Variants in CNKSR2 observed in about 807,000 individuals in gnomAD.
The protein encoded by CNKSR2 is CNK homolog protein 2.
In CNKSR2, 14 loss-of-function variants were observed where a neutral mutation model predicts 84.4. The ratio of observed to expected loss-of-function variants is 0.17; its 90% CI spans 0.11 to 0.26. The LOEUF (loss-of-function observed/expected upper bound fraction) is 0.26, where lower values mean the gene tolerates loss of function less well. Ranked by LOEUF, CNKSR2 falls within the 10% of genes least tolerant of loss-of-function variation. The pLI is 1.00. For missense variants in CNKSR2, 485 were observed against 771.2 expected (o/e 0.63, Z 4.40); for synonymous variants, 275 against 277.9 (o/e 0.99, Z 0.10).
intron 13 of CNKSR2, among the ~76,000 whole-genome samples, chrX:21,575,234 T>C (rs1413489187): frequency 9.0e-6 from 1 of 111,536 alleles, no homozygotes; most frequent in African/African-American, 3.3e-5. Flanking sequence ...TTTTGGTGAA[T>C]GCTAGTCCAC....
rs757090740 is a variant in CNKSR2, at chrX:21,407,601, G to A, written c.65-18896G>A. On this transcript the variant is annotated intron_variant, in intron 1 of 21. Coordinates refer to ENST00000379510, the MANE Select transcript of CNKSR2 (RefSeq NM_014927.5). The stretch of plus-strand genomic sequence containing the variant: ...GCAAGATTTGGGATTGTCATGAAAA[G>A]TAATGAAATCAGCTCTTTTATATAT... 9.9e-5 allele frequency among the ~76,000 whole-genome samples: 11 copies of A among 111,333 alleles called. No individual in the cohort carries two copies. The South Asian group carries it at 4.1e-3, about 42-fold the overall frequency.
At chrX:21,557,048 TATA>T (rs2092146084) in intron 11 of CNKSR2, among the ~76,000 whole-genome samples, 1 of 109,766 alleles carries the variant, frequency 9.1e-6, no homozygotes, top group Admixed American at 9.7e-5. Flanking sequence ...CACAATACAG[TATA>T]ATAAGTATTG....
intron 11 of CNKSR2, among the ~76,000 whole-genome samples, chrX:21,534,690 A>T (rs1369281974): frequency 9.0e-6 from 1 of 111,241 alleles, no homozygotes; most frequent in Non-Finnish European, 1.9e-5. Context: ...ATGATAAACG[A>T]CGTTAAGCAT....
chrX:21,555,228 G>A (rs1267961499), intron 11 of CNKSR2, among the ~76,000 whole-genome samples: 2 of 110,219 alleles, frequency 1.8e-5, no homozygotes, highest in African/African-American at 6.6e-5. Context: ...AACTGGTTTT[G>A]TTCTCTGTCA....
At chrX:21,597,607 G>A (rs1301207126) in intron 17 of CNKSR2, among the ~76,000 whole-genome samples, 1 of 110,380 alleles carries the variant, frequency 9.1e-6, no homozygotes, top group African/African-American at 3.3e-5. Context: ...TTAATTACTT[G>A]TTAATAGAAG....
At chrX:21,598,044 A>G (rs1021758872) in intron 17 of CNKSR2, among the ~76,000 whole-genome samples, 24 of 108,457 alleles carry the variant, frequency 2.2e-4, no homozygotes, top group African/African-American at 7.7e-4. Flanking sequence ...CACACACACA[A>G]CAAATATTTA....
intron 1 of CNKSR2, among the ~76,000 whole-genome samples, chrX:21,383,836 A>G (rs2089932679): frequency 9.0e-6 from 1 of 111,637 alleles, no homozygotes. Context: ...CTTATTTACC[A>G]AAGATTGTAA....
At chrX:21,505,448 T>G (rs2091603289) in intron 8 of CNKSR2, 1 of 111,323 alleles carries the variant, frequency 9.0e-6, no homozygotes, top group Admixed American at 9.6e-5. Context: ...CTACATTGAT[T>G]AGTGAGAGAT....
intron 11 of CNKSR2, among the ~76,000 whole-genome samples, chrX:21,555,416 C>T (rs1285877773): frequency 1.8e-5 from 2 of 111,377 alleles, no homozygotes; most frequent in East Asian, 2.8e-4. Context: ...AAGATCAGAT[C>T]GTTCATTCTT....
At chrX:21,560,501 G>A (rs1478030979) in intron 11 of CNKSR2, among the ~76,000 whole-genome samples, 1 of 110,670 alleles carries the variant, frequency 9.0e-6, no homozygotes, top group African/African-American at 3.3e-5. Context: ...CTTAGTATGT[G>A]GTATATGGCA....
chrX:21,465,819 G>A (rs747510986), intron 4 of CNKSR2, among the ~76,000 whole-genome samples: 1 of 111,535 alleles, frequency 9.0e-6, no homozygotes, highest in South Asian at 3.8e-4. Context: ...CTTAAAACTT[G>A]TTGACAAAGT....
intron 1 of CNKSR2, among the ~76,000 whole-genome samples, chrX:21,379,146 A>G (rs1181466958): frequency 8.8e-6 from 1 of 113,012 alleles, no homozygotes; most frequent in African/African-American, 3.2e-5. Flanking sequence ...TAAAAGTTAA[A>G]TGCTGTAAAG....
At chrX:21,563,110 C>A (rs1178088108) in intron 12 of CNKSR2, 128 bp from the exon 13 acceptor site, 1 of 478,581 alleles carries the variant, frequency 2.1e-6, no homozygotes. Context: ...AATTGCGGTT[C>A]TTGCAATTAA....
At chrX:21,599,339 G>GGTGT (rs34829122) in intron 17 of CNKSR2, among the ~76,000 whole-genome samples, 1,988 of 82,656 alleles carry the variant, frequency 0.024, 20 homozygotes, top group Non-Finnish European at 0.026. Context: ...TTTTTGTTTT[G>GGTGT]GTGTGTGTGT....
chrX:21,375,161 C>T (rs2089790833), intron 1 of CNKSR2, among the ~76,000 whole-genome samples, 200 bp downstream of exon 1: 1 of 112,865 alleles, frequency 8.9e-6, no homozygotes, highest in African/African-American at 3.2e-5. Context: ...TAGAGGGGCG[C>T]GGAGCGGCCA....
chrX:21,614,005 AAAAT>A (rs746240507), intron 20 of CNKSR2, among the ~76,000 whole-genome samples: 8 of 110,977 alleles, frequency 7.2e-5, no homozygotes, highest in Non-Finnish European at 1.1e-4. Flanking sequence ...ATAAATAAAC[AAAAT>A]AAATAAATAA....
intron 21 of CNKSR2, among the ~76,000 whole-genome samples, chrX:21,651,677 A>G (rs1342182959): frequency 9.0e-6 from 1 of 111,559 alleles, no homozygotes; most frequent in African/African-American, 3.3e-5. Context: ...CCCAGGTGAT[A>G]GTTTTAACTT....
chrX:21,538,039 C>T (rs1445704369), intron 11 of CNKSR2: 2 of 111,268 alleles, frequency 1.8e-5, no homozygotes, highest in Non-Finnish European at 3.8e-5. Context: ...GACTTTTATT[C>T]TTTTGTGTGC....
At chrX:21,479,063 G>A (rs111996691) in intron 5 of CNKSR2, among the ~76,000 whole-genome samples, 39 of 111,144 alleles carry the variant, frequency 3.5e-4, no homozygotes, top group African/African-American at 1.2e-3. Flanking sequence ...CCCTCCTACC[G>A]TTCCACTCTT....
Sources: gnomAD v4.1 joint callset for allele counts (sites outside exome capture counted in the v4.1 genomes callset) on GRCh38, gnomAD v4.1.1 for gene constraint, MANE v1.5 for transcripts, NCBI Gene and HGNC (gene_info 2026-07-23, HGNC 2026-07-21) for gene names.